Variants in MAP3K12 observed in about 807,000 individuals in gnomAD.
The protein encoded by MAP3K12 is MAPK-upstream kinase.
Under a neutral mutation model 87.5 loss-of-function variants are expected in MAP3K12, and 14 were observed. That is an observed-to-expected ratio of 0.16 (90% CI 0.11 to 0.25). The LOEUF is 0.25. Ranked by LOEUF, MAP3K12 falls within the 10% of genes least tolerant of loss-of-function variation. MAP3K12 has a pLI of 1.00. For missense variants in MAP3K12, 802 were observed against 1,140.4 expected, an observed-to-expected ratio of 0.70 and a Z score of 4.27; for synonymous variants, 469 against 452.5, an observed-to-expected ratio of 1.04 and a Z score of -0.46.
rs1943094249 is a variant in MAP3K12, at chr12:53,482,548, G to T, written c.2238+17C>A. The stretch of plus-strand genomic sequence containing the variant: ...AAGGAAAAAGGGAAAGAGCTTGGGA[G>T]CCTTCCCATACTTTACCTGACTTCG... On this transcript the variant is annotated intron_variant, in intron 11 of 13. Transcript: ENST00000547488. 2 of 1,597,966 alleles carry T rather than the reference G, an allele frequency of 1.3e-6. No homozygotes were observed. The highest frequency in any genetic ancestry group is 2.2e-5 in the South Asian group (2 of 89,304).
intron 7 of MAP3K12, 49 bp downstream of exon 7, chr12:53,484,208 C>T: frequency 2.0e-6 from 3 of 1,529,350 alleles, no homozygotes; most frequent in Non-Finnish European, 2.7e-6. Context: ...ATAGCATCAT[C>T]TCTGCAAAGA....
At position 53,482,693 on chromosome 12, in the gene MAP3K12, G is replaced by T. The variant is rs1305214030; in HGVS notation, c.2110C>A (p.Pro704Thr). 1.2e-6 allele frequency: 2 copies of T among 1,613,946 alleles called. No homozygotes were observed. Among genetic ancestry groups the T allele is most frequent in the African/African-American group, 1.3e-5 (1 of 75,058 alleles). ...AKGEPPPPVGPGEGVGLLGTG... is the reference protein window; with the variant it reads ...AKGEPPPPVGTGEGVGLLGTG... ...CCCAGAAGCCCCACACCTTCACCAGGCCCTACTGGAGGAGGTGGTTCCCCT... is the reference window on the plus strand; with the variant it reads ...CCCAGAAGCCCCACACCTTCACCAGTCCCTACTGGAGGAGGTGGTTCCCCT... Residue 704 changes from proline to threonine, a missense_variant, in exon 11 of 14, where the codon CCT (proline) becomes ACT (threonine). Pro to Thr is a conservative substitution (Grantham distance 38, BLOSUM62 -1). Coordinates refer to ENST00000547488, the MANE Select transcript of MAP3K12 (RefSeq NM_001193511.2).
At chr12:53,491,218 G>A (rs895438841) in intron 1 of MAP3K12, among the ~76,000 whole-genome samples, 4 of 139,532 alleles carry the variant, frequency 2.9e-5, no homozygotes, top group Non-Finnish European at 6.1e-5. Flanking sequence ...AACCCGGGAG[G>A]CGGAAGTTGC....
At position 53,482,271 on chromosome 12, in the gene MAP3K12, C is replaced by T. The variant is rs138722374; in HGVS notation, c.2309+28G>A. On this transcript the variant is annotated intron_variant, in intron 12 of 13. Transcript: ENST00000547488. Reference sequence around the variant, plus strand: ...TGCCCCTAGCAGAAAACAAGAATGCCATTAATTCTTGTAATGCCATCACTT... The same window carrying T: ...TGCCCCTAGCAGAAAACAAGAATGCTATTAATTCTTGTAATGCCATCACTT... 2.9e-5 allele frequency: 47 copies of T among 1,613,868 alleles called. No individual in the cohort carries two copies. In the Middle Eastern group the frequency reaches 8.2e-4, roughly 28 times the overall value.
At chr12:53,488,828 C>G (rs1050620141) in intron 1 of MAP3K12, among the ~76,000 whole-genome samples, 4 of 151,998 alleles carry the variant, frequency 2.6e-5, no homozygotes, top group Non-Finnish European at 5.9e-5. Flanking sequence ...GCCTGTAATC[C>G]TAGCACTTTG....
Position 53,487,129 on chromosome 12 carries a change from G to T in MAP3K12, c.263C>A (p.Ala88Glu), listed in dbSNP as rs745502920. 6.2e-7 allele frequency: 1 copy of T among 1,614,026 alleles called. No homozygotes were observed. The highest frequency in any genetic ancestry group is 1.1e-5 in the South Asian group (1 of 91,084). The change falls in exon 2 of 14, where the codon GCA (alanine) becomes GAA (glutamate). Residue 88 changes from alanine (A) to glutamate (E), a missense_variant. Physicochemically the swap from Ala to Glu is moderately radical, Grantham distance 107. Coordinates refer to ENST00000547488, the MANE Select transcript of MAP3K12 (RefSeq NM_001193511.2). The part of the protein sequence containing the change: ...NSVLQLHEQD[A>E]GGPGGAAGSP... ...CCCAGCTGCTCCCCCTGGGCCCCCT[G>T]CATCCTGCTCATGTAGCTGCAGGAC...
chr12:53,492,449 CTG>C (rs1491136239), intron 1 of MAP3K12, among the ~76,000 whole-genome samples: 1 of 152,066 alleles, frequency 6.6e-6, no homozygotes, highest in Non-Finnish European at 1.5e-5. Context: ...CACACTCTCT[CTG>C]CGCGCGCGCG....
At chr12:53,492,321 G>C (rs1943435963) in intron 1 of MAP3K12, among the ~76,000 whole-genome samples, 8 of 152,162 alleles carry the variant, frequency 5.3e-5, no homozygotes, top group Admixed American at 5.2e-4. Context: ...ACAGCCTTTA[G>C]AGAGATGACT....
rs1342666060 is a variant in MAP3K12, at chr12:53,480,058, C to G, written c.*1124G>C. 1 of 151,992 alleles carries G rather than the reference C, an allele frequency of 6.6e-6. No homozygotes were observed. Among genetic ancestry groups the G allele is most frequent in the Non-Finnish European group, 1.5e-5 (1 of 68,062 alleles). The allele number at this position is 151,992 out of a possible 1,614,324, so 9.4% of individuals were successfully genotyped here. The stretch of plus-strand genomic sequence containing the variant: ...CCCAAAAGATTGAGGATTAGACTTT[C>G]CGAGGACTTACCTGTCCTAGGGGAG... On this transcript the variant is annotated 3_prime_UTR_variant, in exon 14 of 14. Coordinates refer to ENST00000547488, the MANE Select transcript of MAP3K12 (RefSeq NM_001193511.2).
chr12:53,492,569 G>A (rs773042982), intron 1 of MAP3K12, among the ~76,000 whole-genome samples: 1 of 152,142 alleles, frequency 6.6e-6, no homozygotes, highest in Non-Finnish European at 1.5e-5. Context: ...GGCCCAGAAA[G>A]CACAAATCAC....
chr12:53,479,672 T>TTTTTTTTTTTTTTGG lies in MAP3K12; in HGVS notation c.*1509_*1510insCCAAAAAAAAAAAAA, dbSNP rs1555209672. 689 of 286,586 alleles carry TTTTTTTTTTTTTTGG rather than the reference T, an allele frequency of 2.4e-3. 9 individuals are homozygous for TTTTTTTTTTTTTTGG. Among genetic ancestry groups the TTTTTTTTTTTTTTGG allele is most frequent in the African/African-American group, 0.013 (561 of 43,586 alleles). 17.8% of individuals were successfully genotyped at this position (286,586 alleles called of 1,614,324 possible). A position where few individuals can be genotyped will look rare whatever the true frequency, so the allele number is the denominator to read the frequency against. On this transcript the variant is annotated 3_prime_UTR_variant, in exon 14 of 14. Transcript: ENST00000547488. ...TTTAGTTTTATAAGCTTCTCCCTGG[T>TTTTTTTTTTTTTTGG]TTTTTTTTTTTGGCTCATGAATTTT...
In MAP3K12 at chr12:53,479,670, G is replaced by GGTTTTTTTTTTTGTTT; in HGVS notation, c.*1511_*1512insAAACAAAAAAAAAAAC. 7.1e-6 allele frequency: 2 copies of GGTTTTTTTTTTTGTTT among 282,572 alleles called. No individual in the cohort carries two copies. The highest frequency in any genetic ancestry group is 1.3e-5 in the Non-Finnish European group (2 of 153,384). 17.5% of individuals were successfully genotyped at this position (282,572 alleles called of 1,614,324 possible). A position where few individuals can be genotyped will look rare whatever the true frequency, so the allele number is the denominator to read the frequency against. ...TATTTAGTTTTATAAGCTTCTCCCTGGTTTTTTTTTTTTGGCTCATGAATT... is the reference window on the plus strand; with the variant it reads ...TATTTAGTTTTATAAGCTTCTCCCTGGTTTTTTTTTTTGTTTGTTTTTTTTTTTTGGCTCATGAATT... On this transcript the variant is annotated 3_prime_UTR_variant, in exon 14 of 14. Coordinates refer to ENST00000547488, the MANE Select transcript of MAP3K12 (RefSeq NM_001193511.2).
chr12:53,488,590 G>A (rs1263657195), intron 1 of MAP3K12, among the ~76,000 whole-genome samples: 1 of 152,118 alleles, frequency 6.6e-6, no homozygotes, highest in Non-Finnish European at 1.5e-5. Flanking sequence ...AAACCCGGGA[G>A]GCTGAGGTTT....
chr12:53,484,866 G>A, intron 6 of MAP3K12, 190 bp downstream of exon 6: 1 of 665,020 alleles, frequency 1.5e-6, no homozygotes, highest in Non-Finnish European at 2.5e-6. Context: ...TTATAGATGA[G>A]GAAACAGGTT....
At chr12:53,484,411 G>T in intron 6 of MAP3K12, 46 bp from the exon 7 acceptor site, 1 of 1,372,224 alleles carries the variant, frequency 7.3e-7, no homozygotes, top group Non-Finnish European at 1.0e-6. Flanking sequence ...TTTGAGGGAG[G>T]ATCAGATAGG....
chr12:53,498,920 GTGTGTGTGTGTGTGTGTGTGTGTGTGT>G (rs1943602308), intron 1 of MAP3K12, among the ~76,000 whole-genome samples: 1 of 854 alleles, frequency 1.2e-3, no homozygotes, highest in South Asian at 0.033. Context: ...GTGTGTGTGT[GTGTGTGTGTGTGTGTGTGTGTGTGTGT>G]GTGTGTGTGT....
intron 1 of MAP3K12, among the ~76,000 whole-genome samples, chr12:53,491,692 C>G (rs1943412287): frequency 6.6e-6 from 1 of 151,734 alleles, no homozygotes; most frequent in African/African-American, 2.4e-5. Flanking sequence ...CTCGGCCTCC[C>G]AAAGTGCTGG....
rs1398048464 is a variant in MAP3K12, at chr12:53,493,460, G to A, written c.-38+5967C>T. Among the ~76,000 whole-genome samples the A allele has an allele frequency of 3.9e-5, 6 of 152,298 alleles. No individual in the cohort carries two copies. The East Asian group carries it at 9.6e-4, about 24-fold the overall frequency. ...CACAGGGAAGGAAAGCAGGAAATGA[G>A]AGAAAGGGAGACAGGGCACAGAAAA... On this transcript the variant is annotated intron_variant, in intron 1 of 13. Transcript: ENST00000547488.
chr12:53,493,498 A>G (rs1943472418), intron 1 of MAP3K12, among the ~76,000 whole-genome samples: 1 of 152,198 alleles, frequency 6.6e-6, no homozygotes, highest in African/African-American at 2.4e-5. Flanking sequence ...CGAAAGGTAC[A>G]GCTAGGAAGG....
Sources: gnomAD v4.1 joint callset for allele counts (sites outside exome capture counted in the v4.1 genomes callset) on GRCh38, gnomAD v4.1.1 for gene constraint, MANE v1.5 for transcripts, NCBI Gene and HGNC (gene_info 2026-07-23, HGNC 2026-07-21) for gene names.